The following FIGNL2 variants were observed in gnomAD, a reference collection of about 807,000 sequenced individuals.
FIGNL2 encodes the protein fidgetin-like protein 2.
For missense variants in FIGNL2, 1,060 were observed against 950.2 expected (o/e 1.12, Z -1.52); for synonymous variants, 565 against 484.0 (o/e 1.17, Z -2.20).
chr12:51,822,439 CAGGAGGTCTGGTGAGGTCTAGCCACCG>C lies in FIGNL2; in HGVS notation c.-11-42_-11-16del. On this transcript the variant is annotated splice_polypyrimidine_tract_variant and intron_variant, in intron 1 of 1. Coordinates refer to ENST00000618634, the MANE Select transcript of FIGNL2 (RefSeq NM_001384995.1). ...CTTCAACAGAGCTGCGGGCAAGAGA[CAGGAGGTCTGGTGAGGTCTAGCCACCG>C]AGGACCCAGTGGGCCACTGCTAGCC... The C allele has an allele frequency of 6.2e-7, 1 of 1,612,422 alleles. No homozygotes were observed. Among genetic ancestry groups the C allele is most frequent in the East Asian group, 2.2e-5 (1 of 44,846 alleles).
intron 1 of FIGNL2, 37 bp from the exon 2 acceptor site, chr12:51,822,461 C>T (rs1228676555): frequency 1.2e-6 from 2 of 1,606,178 alleles, no homozygotes; most frequent in Non-Finnish European, 1.7e-6. Context: ...TGAGGTCTAG[C>T]CACCGAGGAC....
rs976365225 is a variant in FIGNL2, at chr12:51,847,863, G to A, written c.-12+677C>T. The stretch of plus-strand genomic sequence containing the variant: ...CCTCTCTGGAGAGCTGGGCGCTCCG[G>A]GGGTCCCCCTTGTTGCCTGTAGCCC... On this transcript the variant is annotated intron_variant, in intron 1 of 1. Transcript: ENST00000618634. The A allele has an allele frequency of 5.1e-6, 5 of 982,498 alleles. No individual in the cohort carries two copies. In the African/African-American group the frequency reaches 8.7e-5, roughly 17 times the overall value. 60.9% of individuals were successfully genotyped at this position (982,498 alleles called of 1,614,324 possible).
chr12:51,825,111 G>GT (rs60029830), intron 1 of FIGNL2, among the ~76,000 whole-genome samples: 27,324 of 147,708 alleles, frequency 0.18, 2,819 homozygotes, highest in East Asian at 0.4. Flanking sequence ...CCACAAATCT[G>GT]TTTTTTTTTT....
At chr12:51,822,506 C>G (rs1193780175) in intron 1 of FIGNL2, 82 bp from the exon 2 acceptor site, 2 of 1,528,468 alleles carry the variant, frequency 1.3e-6, no homozygotes, top group Non-Finnish European at 1.8e-6. Flanking sequence ...GCCAGTCCGC[C>G]TAGACTGCGG....
At chr12:51,828,941 A>G (rs1178758278) in intron 1 of FIGNL2, among the ~76,000 whole-genome samples, 1 of 151,936 alleles carries the variant, frequency 6.6e-6, no homozygotes, top group Non-Finnish European at 1.5e-5. Flanking sequence ...CAGCATCAAC[A>G]CCCTCCTCCA....
intron 1 of FIGNL2, among the ~76,000 whole-genome samples, chr12:51,843,472 C>T (rs1307007154): frequency 6.6e-6 from 1 of 151,374 alleles, no homozygotes; most frequent in Admixed American, 6.6e-5. Flanking sequence ...TGCTTGAACC[C>T]AGGAGGTGGT....
rs367824152 is a variant in FIGNL2, at chr12:51,826,627, G to A, written c.-11-4203C>T. Reference sequence around the variant, plus strand: ...GCACTCCAGCCTGGGCGATAAGAGCGAAACTCCCATCTCAAAAAAAAAAAA... The same window carrying A: ...GCACTCCAGCCTGGGCGATAAGAGCAAAACTCCCATCTCAAAAAAAAAAAA... On this transcript the variant is annotated intron_variant, in intron 1 of 1. Transcript: ENST00000618634. Among the ~76,000 whole-genome samples the A allele has an allele frequency of 1.1e-3, 101 of 91,664 alleles. 5 individuals are homozygous for A. The highest frequency in any genetic ancestry group is 3.9e-3 in the African/African-American group (98 of 25,192). 60.1% of individuals were successfully genotyped at this position (91,664 alleles called of 152,430 possible).
At chr12:51,834,168 T>C (rs1305648234) in intron 1 of FIGNL2, among the ~76,000 whole-genome samples, 1 of 132,102 alleles carries the variant, frequency 7.6e-6, no homozygotes, top group Non-Finnish European at 1.7e-5. Flanking sequence ...AAATGGCCTC[T>C]GTGTCCAAAT....
At position 51,819,668 on chromosome 12, in the gene FIGNL2, C is replaced by A. The variant is rs908217025; in HGVS notation, c.*784G>T. 2 of 152,538 alleles carry A rather than the reference C, an allele frequency of 1.3e-5. No individual in the cohort carries two copies. The highest frequency in any genetic ancestry group is 3.9e-4 in the East Asian group (2 of 5,186). 9.4% of individuals were successfully genotyped at this position (152,538 alleles called of 1,614,324 possible). On this transcript the variant is annotated 3_prime_UTR_variant, in exon 2 of 2. Transcript: ENST00000618634. The stretch of plus-strand genomic sequence containing the variant: ...AAAACAGCAAATTCTACACATTTTA[C>A]AAAAATAAGAAGACTAAAATATGAA...
intron 1 of FIGNL2, among the ~76,000 whole-genome samples, chr12:51,823,842 G>A (rs1192557931): frequency 6.6e-6 from 1 of 152,214 alleles, no homozygotes; most frequent in East Asian, 1.9e-4. Context: ...TGAATAGGAT[G>A]GGTCAGTCGG....
intron 1 of FIGNL2, chr12:51,847,335 G>A: frequency 1.0e-6 from 1 of 985,452 alleles, no homozygotes; most frequent in Non-Finnish European, 1.2e-6. Context: ...CCCAGGAACC[G>A]GGAAGCCCAC....
chr12:51,821,714 C>G lies in FIGNL2; in HGVS notation c.700G>C (p.Gly234Arg). ...GGCAGGGGCGTGGGCGCGGGCAGGCCCGGGGTCAGGTAGGGGGCCGGGGGT... is the reference window on the plus strand; with the variant it reads ...GGCAGGGGCGTGGGCGCGGGCAGGCGCGGGGTCAGGTAGGGGGCCGGGGGT... Reference protein sequence around the residue: ...GPPPAPYLTPGLPAPTPLPAP... With the variant: ...GPPPAPYLTPRLPAPTPLPAP... The change falls in exon 2 of 2, where the codon GGC becomes CGC. Residue 234 changes from glycine to arginine, a missense_variant. Physicochemically the swap from Gly to Arg is moderately radical, Grantham distance 125 (BLOSUM62 -2). Transcript: ENST00000618634. 7.5e-7 allele frequency: 1 copy of G among 1,335,684 alleles called. No individual in the cohort carries two copies. The highest frequency in any genetic ancestry group is 9.5e-7 in the Non-Finnish European group (1 of 1,050,884). 82.7% of individuals were successfully genotyped at this position (1,335,684 alleles called of 1,614,324 possible).
At position 51,820,555 on chromosome 12, in the gene FIGNL2, T is replaced by C; in HGVS notation, c.1859A>G (p.Tyr620Cys). ...GLPGLQRPLS[Y>C]KDLEAALAKV... ...GGCCAGCGCCGCCTCCAGGTCCTTG[T>C]AGGAGAGGGGGCGCTGCAGCCCCGG... Residue 620 changes from tyrosine to cysteine, a missense_variant, in exon 2 of 2, where the codon TAC (tyrosine) becomes TGC (cysteine). Transcript: ENST00000618634. The C allele has an allele frequency of 6.5e-7, 1 of 1,538,828 alleles. No homozygotes were observed. Among genetic ancestry groups the C allele is most frequent in the Non-Finnish European group, 8.7e-7 (1 of 1,149,458 alleles).
At chr12:51,828,719 C>T (rs1939393934) in intron 1 of FIGNL2, among the ~76,000 whole-genome samples, 1 of 152,144 alleles carries the variant, frequency 6.6e-6, no homozygotes, top group South Asian at 2.1e-4. Flanking sequence ...GTAGGTATCC[C>T]CCCAGGCCAC....
At chr12:51,828,136 T>C (rs1939383385) in intron 1 of FIGNL2, among the ~76,000 whole-genome samples, 1 of 152,198 alleles carries the variant, frequency 6.6e-6, no homozygotes, top group Non-Finnish European at 1.5e-5. Flanking sequence ...TGCTGTGTAT[T>C]TACCCTTCAG....
At chr12:51,845,501 G>A in intron 1 of FIGNL2, 1 of 985,456 alleles carries the variant, frequency 1.0e-6, no homozygotes, top group Non-Finnish European at 1.2e-6. Context: ...GGGGTCTCAG[G>A]GCTGCAGAGC....
At chr12:51,842,272 G>A (rs867731078) in intron 1 of FIGNL2, among the ~76,000 whole-genome samples, 5 of 152,216 alleles carry the variant, frequency 3.3e-5, no homozygotes, top group Admixed American at 6.5e-5. Context: ...AGCCCATGCC[G>A]GACACAGTGT....
chr12:51,829,634 T>G lies in FIGNL2; in HGVS notation c.-11-7210A>C, dbSNP rs150685188. ...TCTTCCTTCCATGATACCTTGAGTG[T>G]GCCAGCCACTGTGTGCCAGCTATGA... On this transcript the variant is annotated intron_variant, in intron 1 of 1. Transcript: ENST00000618634. Among the ~76,000 whole-genome samples the G allele has an allele frequency of 8.7e-3, 1,323 of 152,242 alleles. 26 individuals are homozygous for G. The highest frequency in any genetic ancestry group is 0.03 in the African/African-American group (1,246 of 41,512).
At chr12:51,843,293 TTGGGAGGC>T (rs908051902) in intron 1 of FIGNL2, among the ~76,000 whole-genome samples, 12 of 152,076 alleles carry the variant, frequency 7.9e-5, no homozygotes, top group Admixed American at 3.9e-4. Context: ...TCCCAACACT[TTGGGAGGC>T]TGAGATGGGC....
Sources: gnomAD v4.1 joint callset for allele counts (sites outside exome capture counted in the v4.1 genomes callset) on GRCh38, gnomAD v4.1.1 for gene constraint, MANE v1.5 for transcripts, NCBI Gene and HGNC (gene_info 2026-07-23, HGNC 2026-07-21) for gene names.